Variants in XYLT1 observed in about 807,000 individuals in gnomAD.
The protein encoded by XYLT1 is beta-D-xylosyltransferase 1.
A neutral mutation model predicts 91.3 loss-of-function variants in XYLT1; 36 were observed. That is an observed-to-expected ratio of 0.39 (90% CI 0.30 to 0.52). XYLT1 has a LOEUF of 0.52. XYLT1 is among the 20% of genes least tolerant of loss of function. The pLI, the probability that XYLT1 is intolerant of heterozygous loss-of-function variation, is 0.68. For synonymous variants in XYLT1, 588 were observed against 532.0 expected (o/e 1.11, Z -1.45); for missense variants, 1,242 against 1,284.5 (o/e 0.97, Z 0.51).
At chr16:17,118,272 G>GTGAATGAATGAA (rs1336171969) in intron 10 of XYLT1, among the ~76,000 whole-genome samples, 5 of 43,642 alleles carry the variant, frequency 1.1e-4, no homozygotes, top group East Asian at 2.1e-3. Context: ...AGCTGAATGA[G>GTGAATGAATGAA]TGAATGAATG....
intron 2 of XYLT1, among the ~76,000 whole-genome samples, chr16:17,335,445 C>T (rs1397017195): frequency 1.3e-5 from 2 of 152,096 alleles, no homozygotes; most frequent in African/African-American, 4.8e-5. Context: ...AATCCCAGCA[C>T]TTCGGGAGGC....
chr16:17,256,445 G>A (rs1023714772), intron 3 of XYLT1, among the ~76,000 whole-genome samples: 12 of 152,058 alleles, frequency 7.9e-5, no homozygotes, highest in Admixed American at 1.3e-4. Flanking sequence ...TAGGTCAGGA[G>A]TTCAAGACCA....
At chr16:17,306,457 A>G (rs1188791617) in intron 2 of XYLT1, among the ~76,000 whole-genome samples, 1 of 152,110 alleles carries the variant, frequency 6.6e-6, no homozygotes, top group African/African-American at 2.4e-5. Context: ...CTGGAGGCTG[A>G]GGCAGGAGAA....
chr16:17,364,573 TA>T (rs2141868483), intron 1 of XYLT1, among the ~76,000 whole-genome samples: 1 of 152,366 alleles, frequency 6.6e-6, no homozygotes, highest in Admixed American at 6.5e-5. Context: ...CAAGTTACCG[TA>T]GATACGAGTG....
At chr16:17,359,915 G>A (rs1297011583) in intron 1 of XYLT1, among the ~76,000 whole-genome samples, 2 of 152,122 alleles carry the variant, frequency 1.3e-5, no homozygotes, top group East Asian at 3.9e-4. Context: ...CCTGTGTTGG[G>A]GCAGGACCCA....
intron 1 of XYLT1, among the ~76,000 whole-genome samples, chr16:17,374,489 G>C (rs1325453806): frequency 6.6e-6 from 1 of 152,144 alleles, no homozygotes; most frequent in Non-Finnish European, 1.5e-5. Flanking sequence ...CCAACTCAGT[G>C]AATCAGCACA....
In XYLT1 at chr16:17,333,871, AGCCACAC is replaced by A. The variant is rs566759087; in HGVS notation, c.402+24134_402+24140del. Among the ~76,000 whole-genome samples, 29 of 152,230 alleles carry A rather than the reference AGCCACAC, an allele frequency of 1.9e-4. No homozygotes were observed. In the South Asian group the frequency reaches 6.0e-3, roughly 32 times the overall value. ...CCAAAGTGCTGGGATTAAAACTGTG[AGCCACAC>A]GCCCGGCCTCATGTTGAAATTTAAT... On this transcript the variant is annotated intron_variant, in intron 2 of 11. Transcript: ENST00000261381.
At chr16:17,306,982 G>A (rs1473797757) in intron 2 of XYLT1, among the ~76,000 whole-genome samples, 1 of 152,082 alleles carries the variant, frequency 6.6e-6, no homozygotes, top group African/African-American at 2.4e-5. Flanking sequence ...CTCTGTAGAG[G>A]TGCACGTACT....
rs1328470792 is a variant in XYLT1 at position 17,454,907 on chromosome 16, CCCCCCG to C, written c.363+15521_363+15526del. Among the ~76,000 whole-genome samples, 4 of 66,600 alleles carry C rather than the reference CCCCCCG, an allele frequency of 6.0e-5. 1 individual carries two copies. Among genetic ancestry groups the C allele is most frequent in the Admixed American group, 2.8e-4 (2 of 7,156 alleles). 43.7% of individuals were successfully genotyped at this position (66,600 alleles called of 152,430 possible). A position where few individuals can be genotyped will look rare whatever the true frequency, so the allele number is the denominator to read the frequency against. On this transcript the variant is annotated intron_variant, in intron 1 of 11. Transcript: ENST00000261381. Reference sequence around the variant, plus strand: ...TCACAAAATATCATTCTTTCCTCCCCCCCCCGCCCCCCCCCGCAACTATTTAAAAAC... The same window carrying C: ...TCACAAAATATCATTCTTTCCTCCCCCCCCCCCCCGCAACTATTTAAAAAC...
At chr16:17,116,017 AT>A (rs1457992911) in intron 11 of XYLT1, among the ~76,000 whole-genome samples, 1 of 151,006 alleles carries the variant, frequency 6.6e-6, no homozygotes, top group African/African-American at 2.4e-5. Context: ...ACAGTACACA[AT>A]GTATTATTTC....
At position 17,200,617 on chromosome 16, in the gene XYLT1, G is replaced by A. The variant is rs145318002; in HGVS notation, c.951C>T (p.Ser317=). 1.8e-4 allele frequency: 293 copies of A among 1,613,970 alleles called. 4 individuals are homozygous for A. The highest frequency in any genetic ancestry group is 4.0e-5 in the African/African-American group (3 of 74,916). ...CCGGGTTGGCTGGCATGTACTCCAC[G>A]GAGTCCTCGTCCCACTGCACGTTCT... is the stretch of plus-strand genomic sequence containing the variant. ...ANKNVQWDED[S]VEYMPANPVR... Residue 317 remains serine, a synonymous_variant, in exon 4 of 12, where the codon TCC becomes TCT. Transcript: ENST00000261381.
intron 3 of XYLT1, among the ~76,000 whole-genome samples, chr16:17,232,547 TATTG>T (rs1469471928): frequency 2.0e-5 from 3 of 151,064 alleles, no homozygotes; most frequent in Middle Eastern, 3.4e-3. Context: ...TAATGTTGAT[TATTG>T]ATTGATTGAT....
At chr16:17,330,024 A>G (rs1175170762) in intron 2 of XYLT1, among the ~76,000 whole-genome samples, 3 of 152,044 alleles carry the variant, frequency 2.0e-5, no homozygotes, top group Non-Finnish European at 4.4e-5. Context: ...TGAGAACAGT[A>G]TTCATAGCCC....
chr16:17,230,813 G>T (rs1412207577), intron 3 of XYLT1, among the ~76,000 whole-genome samples: 22 of 152,118 alleles, frequency 1.4e-4, no homozygotes, highest in Admixed American at 1.4e-3. Flanking sequence ...CCCTCAACTG[G>T]AAGTGATATA....
intron 2 of XYLT1, among the ~76,000 whole-genome samples, chr16:17,346,090 CGTGAG>C: frequency 6.6e-6 from 1 of 152,160 alleles, no homozygotes; most frequent in East Asian, 1.9e-4. Flanking sequence ...GGATTACAGG[CGTGAG>C]CCACCGAGCC....
rs556515927 is a variant in XYLT1, at chr16:17,138,356, T to C, written c.1763A>G (p.Gln588Arg). Residue 588 changes from glutamine to arginine, a missense_variant and splice_region_variant, in exon 8 of 12, where the codon CAG (glutamine) becomes CGG (arginine). By Grantham distance (43) the Gln-to-Arg change is conservative (BLOSUM62 1). This residue lies in a region of XYLT1 where 511 missense variants were observed against 497.0 expected (regional missense o/e 1.03). Coordinates refer to ENST00000261381, the MANE Select transcript of XYLT1 (RefSeq NM_022166.4). ...TGGCAGACCATGAGAAAGTCTCACC[T>C]GGAAGCGGTGGAAGTCCTGCGGCTT... ...DFKPQDFHRF[Q>R]QTARPTFFAR... The C allele has an allele frequency of 9.3e-6, 15 of 1,610,854 alleles. No homozygotes were observed. In the South Asian group the frequency reaches 1.6e-4, roughly 18 times the overall value.
chr16:17,428,003 T>C (rs1478937935), intron 1 of XYLT1, among the ~76,000 whole-genome samples: 1 of 152,176 alleles, frequency 6.6e-6, no homozygotes, highest in Non-Finnish European at 1.5e-5. Context: ...TATTTTTTAT[T>C]TTTTTGAGAC....
intron 10 of XYLT1, among the ~76,000 whole-genome samples, chr16:17,122,427 C>G (rs1272996371): frequency 6.6e-6 from 1 of 152,158 alleles, no homozygotes; most frequent in East Asian, 1.9e-4. Flanking sequence ...GGCCTTAGCC[C>G]ACTTTTTGAT....
intron 9 of XYLT1, among the ~76,000 whole-genome samples, chr16:17,131,636 CTG>C (rs1182449692): frequency 6.6e-6 from 1 of 152,134 alleles, no homozygotes; most frequent in Non-Finnish European, 1.5e-5. Flanking sequence ...AAACTTTACT[CTG>C]ATTCTCTCAA....
Sources: gnomAD v4.1 joint callset for allele counts (sites outside exome capture counted in the v4.1 genomes callset) on GRCh38, gnomAD v4.1.1 for gene constraint, gnomAD v4.1.1 regional missense constraint, MANE v1.5 for transcripts, NCBI Gene and HGNC (gene_info 2026-07-23, HGNC 2026-07-21) for gene names.